The following NFYC variants were observed in gnomAD, a reference collection of about 807,000 sequenced individuals.
The protein encoded by NFYC is nuclear transcription factor Y subunit gamma.
NFYC carries 25 observed loss-of-function variants against 53.1 expected under a neutral mutation model. The observed-to-expected ratio is 0.47, with a 90% CI of 0.34 to 0.66. NFYC has a LOEUF of 0.66. Ranked by LOEUF, NFYC falls within the 30% of genes least tolerant of loss-of-function variation. NFYC has a pLI of 0.01. For synonymous variants in NFYC, 145 were observed against 152.6 expected, an observed-to-expected ratio of 0.95 and a Z score of 0.37; for missense variants, 260 against 422.7, an observed-to-expected ratio of 0.62 and a Z score of 3.38.
chr1:40,738,777 T>A (rs1175007501), intron 1 of NFYC, 59 bp from the exon 2 acceptor site: 2 of 1,257,108 alleles, frequency 1.6e-6, no homozygotes, highest in Non-Finnish European at 2.3e-6. Context: ...ATGCCTAATC[T>A]GGACAGAAAG....
intron 6 of NFYC, among the ~76,000 whole-genome samples, chr1:40,758,921 C>T (rs1233053463): frequency 6.6e-6 from 1 of 152,156 alleles, no homozygotes; most frequent in Non-Finnish European, 1.5e-5. Context: ...CACTGAGCAT[C>T]CTCTGAGGGT....
At chr1:40,696,015 T>G (rs1307621749) in intron 1 of NFYC, among the ~76,000 whole-genome samples, 1 of 145,498 alleles carries the variant, frequency 6.9e-6, no homozygotes, top group Non-Finnish European at 1.5e-5. Context: ...GACACGGATT[T>G]GTAATTCTGT....
intron 1 of NFYC, among the ~76,000 whole-genome samples, chr1:40,700,364 T>TG (rs1416987394): frequency 2.6e-5 from 4 of 152,194 alleles, no homozygotes; most frequent in Non-Finnish European, 5.9e-5. Context: ...TTTTTTGAGA[T>TG]GGGGTCTCAC....
At chr1:40,757,424 C>T (rs1032126552) in intron 5 of NFYC, 16 of 511,642 alleles carry the variant, frequency 3.1e-5, no homozygotes, top group Admixed American at 6.2e-5. Flanking sequence ...GGACAGAATG[C>T]GACCTCCCTA....
chr1:40,748,669 T>C (rs984471743), intron 3 of NFYC, among the ~76,000 whole-genome samples: 1 of 152,210 alleles, frequency 6.6e-6, no homozygotes, highest in Non-Finnish European at 1.5e-5. Context: ...GGAGTCCATC[T>C]CCATTACAGA....
At chr1:40,693,915 A>T (rs556770637) in intron 1 of NFYC, among the ~76,000 whole-genome samples, 1 of 152,368 alleles carries the variant, frequency 6.6e-6, no homozygotes, top group East Asian at 1.9e-4. Flanking sequence ...GTAACCATAG[A>T]GAATATGGGT....
intron 1 of NFYC, chr1:40,730,456 C>A (rs1366927872): frequency 3.9e-6 from 2 of 506,350 alleles, no homozygotes; most frequent in East Asian, 1.5e-4. Context: ...AATAGGGAGG[C>A]CCGAGGTGGG....
At chr1:40,762,716 T>A (rs1443412783) in intron 6 of NFYC, among the ~76,000 whole-genome samples, 172 bp from the exon 7 acceptor site, 2 of 152,210 alleles carry the variant, frequency 1.3e-5, no homozygotes, top group Non-Finnish European at 2.9e-5. Flanking sequence ...GAGAGTAACT[T>A]CAGCAATGCT....
intron 4 of NFYC, among the ~76,000 whole-genome samples, chr1:40,751,665 A>G (rs1187233247): frequency 1.3e-5 from 2 of 152,312 alleles, no homozygotes; most frequent in Non-Finnish European, 2.9e-5. Flanking sequence ...CTCCTGCCTC[A>G]GGGAATTTAA....
chr1:40,767,883 C>T (rs1275024506), intron 8 of NFYC, among the ~76,000 whole-genome samples: 1 of 152,056 alleles, frequency 6.6e-6, no homozygotes, highest in Non-Finnish European at 1.5e-5. Context: ...GGCTGAGACA[C>T]AAGAATCACT....
At chr1:40,695,168 G>A (rs771491539) in intron 1 of NFYC, among the ~76,000 whole-genome samples, 6 of 152,098 alleles carry the variant, frequency 3.9e-5, no homozygotes, top group South Asian at 2.1e-4. Context: ...GAACCCGGGA[G>A]GTAGAGGTTG....
intron 1 of NFYC, among the ~76,000 whole-genome samples, chr1:40,698,598 T>C (rs1643274022): frequency 6.6e-6 from 1 of 151,524 alleles, no homozygotes; most frequent in South Asian, 2.1e-4. Context: ...TGGCTAATTT[T>C]TGTATATTTT....
intron 1 of NFYC, among the ~76,000 whole-genome samples, chr1:40,713,392 G>C (rs1272168358): frequency 6.6e-6 from 1 of 152,204 alleles, no homozygotes; most frequent in Non-Finnish European, 1.5e-5. Context: ...GGATGTGTAG[G>C]TTTAAAAACA....
At chr1:40,722,709 GAA>G (rs1644370361) in intron 1 of NFYC, among the ~76,000 whole-genome samples, 1 of 152,208 alleles carries the variant, frequency 6.6e-6, no homozygotes, top group Non-Finnish European at 1.5e-5. Context: ...GATGAATAGA[GAA>G]GTTTCTAAGA....
At chr1:40,741,019 A>G (rs1310094540) in intron 2 of NFYC, among the ~76,000 whole-genome samples, 1 of 151,902 alleles carries the variant, frequency 6.6e-6, no homozygotes, top group African/African-American at 2.4e-5. Flanking sequence ...GTATAATCAC[A>G]TTGTTATGGA....
At chr1:40,746,895 C>G (rs920780193) in intron 2 of NFYC, among the ~76,000 whole-genome samples, 2 of 152,178 alleles carry the variant, frequency 1.3e-5, no homozygotes, top group African/African-American at 4.8e-5. Context: ...AGGCAGCTGA[C>G]AAATTCACCC....
chr1:40,737,405 T>C (rs934486582), intron 1 of NFYC, among the ~76,000 whole-genome samples: 4 of 151,068 alleles, frequency 2.6e-5, no homozygotes, highest in Non-Finnish European at 5.9e-5. Context: ...CTTGGCTCAC[T>C]GCAACCTCTG....
At chr1:40,751,086 TA>T (rs1042504752) in intron 4 of NFYC, among the ~76,000 whole-genome samples, 4 of 152,180 alleles carry the variant, frequency 2.6e-5, no homozygotes, top group Admixed American at 6.5e-5. Flanking sequence ...AAAATGCTCT[TA>T]ACAACCTTGT....
intron 1 of NFYC, among the ~76,000 whole-genome samples, chr1:40,738,317 A>G (rs1373119606): frequency 2.0e-5 from 3 of 152,130 alleles, no homozygotes; most frequent in African/African-American, 4.8e-5. Flanking sequence ...ACAGGCATGC[A>G]CCTTTGTGCC....
Sources: allele counts gnomAD v4.1 joint callset (sites outside exome capture counted in the v4.1 genomes callset), GRCh38; gene constraint gnomAD v4.1.1; transcripts MANE v1.5; gene names NCBI Gene and HGNC (gene_info 2026-07-23, HGNC 2026-07-21).